Variants in SOHLH2 observed in about 807,000 individuals in gnomAD.
The protein encoded by SOHLH2 is spermatogenesis and oogenesis specific basic helix-loop-helix 2, also known as spermatogenesis- and oogenesis-specific basic helix-loop-helix-containing protein 2.
In SOHLH2, 22 loss-of-function variants were observed where a neutral mutation model predicts 50.4. The observed-to-expected ratio is 0.44, with a 90% CI of 0.31 to 0.62. The LOEUF (loss-of-function observed/expected upper bound fraction) is 0.62, where lower values mean the gene tolerates loss of function less well. Ranked by LOEUF, SOHLH2 falls within the 20% of genes least tolerant of loss-of-function variation. SOHLH2 has a pLI of 0.08. For missense variants in SOHLH2, 412 were observed against 504.4 expected (o/e 0.82, Z 1.76); for synonymous variants, 185 against 187.3 (o/e 0.99, Z 0.10).
intron 6 of SOHLH2, chr13:36,183,205 ATCACGAG>A (rs1887308504): frequency 2.9e-6 from 1 of 348,840 alleles, no homozygotes; most frequent in Admixed American, 2.5e-5. Flanking sequence ...AGCCTGCAGA[ATCACGAG>A]TCAATTAAAC....
intron 6 of SOHLH2, among the ~76,000 whole-genome samples, chr13:36,179,716 T>G (rs917034490): frequency 1.3e-5 from 2 of 152,074 alleles, no homozygotes; most frequent in Non-Finnish European, 2.9e-5. Context: ...CCAAGCCCAA[T>G]TGGTTGATTT....
chr13:36,196,808 G>A (rs1662488913), intron 2 of SOHLH2, among the ~76,000 whole-genome samples: 1 of 152,006 alleles, frequency 6.6e-6, no homozygotes, highest in Non-Finnish European at 1.5e-5. Flanking sequence ...GACAAAGGTG[G>A]GATTCTTGGA....
At position 36,193,927 on chromosome 13, in the gene SOHLH2, CAGG is replaced by C. The variant is rs1887648730; in HGVS notation, c.264-63_264-61del. On this transcript the variant is annotated intron_variant, in intron 2 of 10. Coordinates refer to ENST00000379881, the MANE Select transcript of SOHLH2 (RefSeq NM_017826.3). Reference sequence around the variant, plus strand: ...AATCATTATTCAAAAAATTGAGATTCAGGAGTTTAGCTTATTAGGAACTAACTA... The same window carrying C: ...AATCATTATTCAAAAAATTGAGATTCAGTTTAGCTTATTAGGAACTAACTA... The C allele has an allele frequency of 4.6e-6, 7 of 1,532,438 alleles. No homozygotes were observed. In the South Asian group the frequency reaches 8.6e-5, roughly 19 times the overall value. The allele number at this position is 1,532,438 out of a possible 1,614,324, so 94.9% of individuals were successfully genotyped here.
At position 36,191,875 on chromosome 13, in the gene SOHLH2, A is replaced by G. The variant is rs773233013; in HGVS notation, c.450T>C (p.Thr150=). 1.9e-6 allele frequency: 3 copies of G among 1,614,024 alleles called. No homozygotes were observed. Among genetic ancestry groups the G allele is most frequent in the Non-Finnish European group, 2.5e-6 (3 of 1,179,896 alleles). The change falls in exon 5 of 11, where the codon ACT becomes ACC. Residue 150 remains threonine, a synonymous_variant. Coordinates refer to ENST00000379881, the MANE Select transcript of SOHLH2 (RefSeq NM_017826.3). The part of the protein sequence containing the change: ...PSNTVKTENA[T]GPEELGLPLQ... Reference sequence around the variant, plus strand: ...GGGGCAATCCAAGTTCTTCAGGCCCAGTTGCGTTTTCAGTCTTAACTGAAA... The same window carrying G: ...GGGGCAATCCAAGTTCTTCAGGCCCGGTTGCGTTTTCAGTCTTAACTGAAA...
chr13:36,197,815 T>C (rs568501639), intron 2 of SOHLH2, among the ~76,000 whole-genome samples: 1 of 152,314 alleles, frequency 6.6e-6, no homozygotes, highest in South Asian at 2.1e-4. Context: ...TGCTGCAACA[T>C]TCACCATGTG....
At chr13:36,180,789 C>A (rs746090053) in intron 6 of SOHLH2, among the ~76,000 whole-genome samples, 1 of 152,018 alleles carries the variant, frequency 6.6e-6, no homozygotes, top group African/African-American at 2.4e-5. Context: ...ATATCCCCAC[C>A]GGTATGCAGT....
At chr13:36,183,074 C>A in intron 6 of SOHLH2, 1 of 251,998 alleles carries the variant, frequency 4.0e-6, no homozygotes, top group Non-Finnish European at 8.9e-6. Flanking sequence ...TGGGGCCTCT[C>A]CTTTCTCTCT....
At chr13:36,207,555 G>T (rs898396680) in intron 1 of SOHLH2, among the ~76,000 whole-genome samples, 1 of 152,088 alleles carries the variant, frequency 6.6e-6, no homozygotes, top group Non-Finnish European at 1.5e-5. Context: ...TCAAAACTAA[G>T]AAATTGTGAG....
intron 2 of SOHLH2, among the ~76,000 whole-genome samples, chr13:36,201,035 C>T (rs1269627940): frequency 2.6e-5 from 3 of 116,598 alleles, no homozygotes; most frequent in South Asian, 2.8e-4. Context: ...GGCAACAGAA[C>T]GAGACTCTGC....
chr13:36,204,240 C>T lies in SOHLH2; in HGVS notation c.49-2147G>A, dbSNP rs75757773. 6.1e-3 allele frequency among the ~76,000 whole-genome samples: 921 copies of T among 152,136 alleles called. 25 individuals are homozygous for T. In the East Asian group the frequency reaches 0.084, roughly 14 times the overall value. ...TGCTGGGATTACGGGTGTGAGCCACCGTGCCCAGCCCTTTAATTCTGATTA... is the reference window on the plus strand; with the variant it reads ...TGCTGGGATTACGGGTGTGAGCCACTGTGCCCAGCCCTTTAATTCTGATTA... On this transcript the variant is annotated intron_variant, in intron 1 of 10. Coordinates refer to ENST00000379881, the MANE Select transcript of SOHLH2 (RefSeq NM_017826.3).
chr13:36,173,844 T>C (rs1262618175), intron 8 of SOHLH2, 34 bp from the exon 9 acceptor site: 1 of 1,611,964 alleles, frequency 6.2e-7, no homozygotes, highest in Non-Finnish European at 8.5e-7. Flanking sequence ...TTGCACATTT[T>C]TCAAGGAAAA....
At chr13:36,170,852 AT>A (rs1247623070) in intron 9 of SOHLH2, 65 bp from the exon 10 acceptor site, 2 of 1,565,172 alleles carry the variant, frequency 1.3e-6, no homozygotes, top group African/African-American at 2.7e-5. Context: ...AACGACTGTT[AT>A]TCGACATAAA....
chr13:36,207,446 T>C (rs1868844970), intron 1 of SOHLH2, among the ~76,000 whole-genome samples: 2 of 152,276 alleles, frequency 1.3e-5, no homozygotes, highest in South Asian at 2.1e-4. Flanking sequence ...TGGAATTAAT[T>C]TGACTTACAG....
At chr13:36,205,824 T>C (rs970922232) in intron 1 of SOHLH2, among the ~76,000 whole-genome samples, 9 of 152,040 alleles carry the variant, frequency 5.9e-5, no homozygotes, top group Non-Finnish European at 1.5e-5. Flanking sequence ...CTAGAAAATC[T>C]GGTTCTGAAG....
At chr13:36,199,010 A>T (rs1165462959) in intron 2 of SOHLH2, among the ~76,000 whole-genome samples, 1 of 152,220 alleles carries the variant, frequency 6.6e-6, no homozygotes, top group Non-Finnish European at 1.5e-5. Context: ...AGAAAAATTT[A>T]AAATACAGCA....
intron 2 of SOHLH2, among the ~76,000 whole-genome samples, chr13:36,197,538 G>A (rs1009140432): frequency 6.6e-6 from 1 of 152,168 alleles, no homozygotes; most frequent in Non-Finnish European, 1.5e-5. Flanking sequence ...GAAGCCTGCG[G>A]AAATTTCTAC....
chr13:36,204,729 T>C (rs1351135383), intron 1 of SOHLH2, among the ~76,000 whole-genome samples: 3 of 152,182 alleles, frequency 2.0e-5, no homozygotes, highest in Non-Finnish European at 4.4e-5. Flanking sequence ...CATGTTTCCC[T>C]GTTATTTTTC....
chr13:36,183,290 A>G (rs1887310499), intron 6 of SOHLH2: 1 of 203,062 alleles, frequency 4.9e-6, no homozygotes, highest in South Asian at 8.2e-5. Context: ...GACTAACACA[A>G]TAACATATGT....
At chr13:36,188,134 G>A (rs943242139) in intron 6 of SOHLH2, among the ~76,000 whole-genome samples, 2 of 152,182 alleles carry the variant, frequency 1.3e-5, no homozygotes, top group Admixed American at 6.5e-5. Flanking sequence ...GTCCAGATAC[G>A]CAATGTCTTG....
Sources: gnomAD v4.1 joint callset for allele counts (sites outside exome capture counted in the v4.1 genomes callset) on GRCh38, gnomAD v4.1.1 for gene constraint, MANE v1.5 for transcripts, NCBI Gene and HGNC (gene_info 2026-07-23, HGNC 2026-07-21) for gene names.